Variants in ELP4 observed in about 807,000 individuals in gnomAD.
The protein encoded by ELP4 is elongator complex protein 4.
Under a neutral mutation model 48.9 loss-of-function variants are expected in ELP4, and 51 were observed. The observed-to-expected ratio is 1.04, with a 90% CI of 0.83 to 1.32. The LOEUF is 1.32. Among genes scored for constraint, ELP4 ranks in the 40% most tolerant of loss-of-function variants. The pLI is 0.00. For synonymous variants in ELP4, 210 were observed against 189.2 expected (o/e 1.11, Z -0.90); for missense variants, 519 against 514.6 (o/e 1.01, Z -0.08).
intron 9 of ELP4, among the ~76,000 whole-genome samples, chr11:31,708,299 A>G (rs1178659209): frequency 1.3e-4 from 20 of 152,162 alleles, no homozygotes; most frequent in Admixed American, 1.3e-3. Context: ...ATTTCATCTC[A>G]GATGGTTTTC....
At chr11:31,641,696 C>T (rs993294578) in intron 7 of ELP4, among the ~76,000 whole-genome samples, 5 of 151,834 alleles carry the variant, frequency 3.3e-5, no homozygotes, top group African/African-American at 1.2e-4. Flanking sequence ...CGTCAGGTTC[C>T]CATCATTTTC....
intron 2 of ELP4, among the ~76,000 whole-genome samples, chr11:31,537,242 T>G (rs566219107): frequency 6.6e-6 from 1 of 152,216 alleles, no homozygotes; most frequent in Non-Finnish European, 1.5e-5. Flanking sequence ...GTTGTTTAAA[T>G]ATGGATATTC....
At position 31,773,368 on chromosome 11, in the gene ELP4, G is replaced by A. The variant is rs77481515; in HGVS notation, c.1144-10025G>A. On this transcript the variant is annotated intron_variant, in intron 9 of 9. Coordinates refer to ENST00000640961, the MANE Select transcript of ELP4 (RefSeq NM_019040.5). The stretch of plus-strand genomic sequence containing the variant: ...AGTGAAATAATTGGAAGGGCTGAAG[G>A]AGATTGCCATCAAACTGGCCAGCAG... Among the ~76,000 whole-genome samples, 1,186 of 152,298 alleles carry A rather than the reference G, an allele frequency of 7.8e-3. 20 individuals are homozygous for A. Among genetic ancestry groups the A allele is most frequent in the African/African-American group, 0.027 (1,130 of 41,550 alleles).
At chr11:31,553,269 G>T (rs542527632) in intron 3 of ELP4, among the ~76,000 whole-genome samples, 1 of 152,218 alleles carries the variant, frequency 6.6e-6, no homozygotes, top group East Asian at 1.9e-4. Flanking sequence ...GAGGAAACAT[G>T]ATACCCAAAT....
intron 9 of ELP4, among the ~76,000 whole-genome samples, chr11:31,737,425 A>C (rs1391483772): frequency 1.3e-5 from 2 of 152,112 alleles, no homozygotes; most frequent in African/African-American, 4.8e-5. Flanking sequence ...GTATGTAACA[A>C]ACCTGCACAT....
At chr11:31,641,711 C>T (rs766964575) in intron 7 of ELP4, among the ~76,000 whole-genome samples, 1 of 152,018 alleles carries the variant, frequency 6.6e-6, no homozygotes, top group African/African-American at 2.4e-5. Context: ...ATTTTCCCAC[C>T]TGCCTCAGCC....
intron 7 of ELP4, among the ~76,000 whole-genome samples, chr11:31,638,631 G>A (rs968158413): frequency 1.3e-5 from 2 of 151,828 alleles, no homozygotes; most frequent in Admixed American, 1.3e-4. Context: ...TAATTGATGT[G>A]TTTTCAAATT....
intron 1 of ELP4, among the ~76,000 whole-genome samples, chr11:31,514,021 T>C (rs2133868745): frequency 6.6e-6 from 1 of 152,332 alleles, no homozygotes; most frequent in Admixed American, 6.5e-5. Flanking sequence ...AGCCAATAAT[T>C]GTGTCATAAT....
chr11:31,570,496 C>T (rs554722137), intron 3 of ELP4, among the ~76,000 whole-genome samples: 3 of 138,028 alleles, frequency 2.2e-5, no homozygotes, highest in Admixed American at 7.8e-5. Flanking sequence ...GAGATAGAGT[C>T]TCACTTTGTC....
intron 2 of ELP4, among the ~76,000 whole-genome samples, chr11:31,529,971 C>A (rs1956367335): frequency 6.6e-6 from 1 of 152,300 alleles, no homozygotes; most frequent in South Asian, 2.1e-4. Context: ...AGGGACATCT[C>A]TCTACCTGTG....
At chr11:31,568,995 G>A (rs1957154813) in intron 3 of ELP4, among the ~76,000 whole-genome samples, 1 of 151,604 alleles carries the variant, frequency 6.6e-6, no homozygotes, top group African/African-American at 2.4e-5. Flanking sequence ...TGAGGTGGGA[G>A]AATCACTTGA....
chr11:31,777,596 T>C (rs1948277234), intron 9 of ELP4, among the ~76,000 whole-genome samples: 1 of 152,230 alleles, frequency 6.6e-6, no homozygotes, highest in Non-Finnish European at 1.5e-5. Context: ...TTTTACACAC[T>C]TTTAGACATT....
At chr11:31,777,247 A>G (rs1395890957) in intron 9 of ELP4, among the ~76,000 whole-genome samples, 1 of 152,166 alleles carries the variant, frequency 6.6e-6, no homozygotes, top group Non-Finnish European at 1.5e-5. Context: ...GATGGTGAAC[A>G]TAGTCTGTCT....
At chr11:31,664,120 A>G (rs1471038841) in intron 9 of ELP4, 2 of 152,140 alleles carry the variant, frequency 1.3e-5, no homozygotes, top group African/African-American at 4.8e-5. Flanking sequence ...CTTGTTTCAA[A>G]TTCTGTTTAA....
intron 2 of ELP4, among the ~76,000 whole-genome samples, chr11:31,527,793 C>T (rs777395937): frequency 4.6e-5 from 7 of 151,998 alleles, no homozygotes; most frequent in Admixed American, 1.3e-4. Flanking sequence ...TGGCTTAAGA[C>T]CTTTCTGTGC....
At chr11:31,513,338 A>G (rs978006733) in intron 1 of ELP4, among the ~76,000 whole-genome samples, 1 of 152,178 alleles carries the variant, frequency 6.6e-6, no homozygotes, top group African/African-American at 2.4e-5. Flanking sequence ...AGTAGTCACT[A>G]TGTTTTATAA....
intron 9 of ELP4, among the ~76,000 whole-genome samples, chr11:31,693,564 A>G (rs1460735201): frequency 1.3e-5 from 2 of 151,932 alleles, no homozygotes; most frequent in African/African-American, 4.8e-5. Context: ...TCTATCATTG[A>G]TGGACATTTG....
chr11:31,559,612 A>G (rs1956982464), intron 3 of ELP4, among the ~76,000 whole-genome samples: 1 of 152,128 alleles, frequency 6.6e-6, no homozygotes, highest in Non-Finnish European at 1.5e-5. Context: ...TATAAAGAAA[A>G]TCAGTTTTGG....
intron 9 of ELP4, among the ~76,000 whole-genome samples, chr11:31,662,330 A>C (rs528601056): frequency 6.6e-6 from 1 of 152,228 alleles, no homozygotes; most frequent in East Asian, 1.9e-4. Context: ...AAATGTTCTT[A>C]AGCTTTTGTC....
Sources: allele counts gnomAD v4.1 joint callset (sites outside exome capture counted in the v4.1 genomes callset), GRCh38; gene constraint gnomAD v4.1.1; transcripts MANE v1.5; gene names NCBI Gene and HGNC (gene_info 2026-07-23, HGNC 2026-07-21).